The following HS6ST3 variants were observed in gnomAD, a reference collection of about 807,000 sequenced individuals.
HS6ST3 encodes the protein heparan sulfate 6-O-sulfotransferase 3, also known as heparan-sulfate 6-O-sulfotransferase 3.
In HS6ST3, 12 loss-of-function variants were observed where a neutral mutation model predicts 36.7. The observed-to-expected ratio is 0.33, with a 90% CI of 0.21 to 0.53. The LOEUF (loss-of-function observed/expected upper bound fraction) is 0.53, where lower values mean the gene tolerates loss of function less well. HS6ST3 is among the 20% of genes least tolerant of loss of function. HS6ST3 has a pLI of 0.95. For synonymous variants in HS6ST3, 240 were observed against 257.5 expected, an observed-to-expected ratio of 0.93 and a Z score of 0.65; for missense variants, 584 against 640.9, an observed-to-expected ratio of 0.91 and a Z score of 0.96.
intron 1 of HS6ST3, among the ~76,000 whole-genome samples, chr13:96,194,937 A>G (rs2054305137): frequency 6.6e-6 from 1 of 152,100 alleles, no homozygotes; most frequent in African/African-American, 2.4e-5. Flanking sequence ...CCATTTCCAA[A>G]CTTTAATTAA....
intron 1 of HS6ST3, among the ~76,000 whole-genome samples, chr13:96,340,593 T>A (rs941765541): frequency 3.2e-4 from 48 of 152,166 alleles, no homozygotes; most frequent in Non-Finnish European, 1.2e-4. Flanking sequence ...CCACACTAGG[T>A]GCCAAGACAC....
At chr13:96,551,289 T>C (rs942764563) in intron 1 of HS6ST3, among the ~76,000 whole-genome samples, 1 of 152,218 alleles carries the variant, frequency 6.6e-6, no homozygotes, top group African/African-American at 2.4e-5. Context: ...CACCTTACAT[T>C]ACAGTGCTTG....
chr13:96,498,788 G>A (rs1296539130), intron 1 of HS6ST3, among the ~76,000 whole-genome samples: 2 of 152,126 alleles, frequency 1.3e-5, no homozygotes, highest in African/African-American at 4.8e-5. Context: ...TGTTCAGCCA[G>A]TGTCCCCGTT....
chr13:96,205,869 C>T (rs935306972), intron 1 of HS6ST3, among the ~76,000 whole-genome samples: 1 of 152,096 alleles, frequency 6.6e-6, no homozygotes, highest in Non-Finnish European at 1.5e-5. Flanking sequence ...ACTGAATGGG[C>T]AAAAGCTGGA....
intron 1 of HS6ST3, among the ~76,000 whole-genome samples, chr13:96,559,122 CTATT>C (rs1195835242): frequency 4.7e-5 from 5 of 106,388 alleles, no homozygotes; most frequent in South Asian, 3.1e-4. Context: ...ATCTATCTAT[CTATT>C]TATTTATTGA....
intron 1 of HS6ST3, among the ~76,000 whole-genome samples, chr13:96,191,687 A>T (rs892596509): frequency 6.6e-6 from 1 of 151,998 alleles, no homozygotes; most frequent in African/African-American, 2.4e-5. Context: ...TTACTCTCCT[A>T]TCTGAAAGGC....
chr13:96,778,507 G>A (rs1210425992), intron 1 of HS6ST3, among the ~76,000 whole-genome samples: 1 of 152,104 alleles, frequency 6.6e-6, no homozygotes, highest in African/African-American at 2.4e-5. Flanking sequence ...AAAAGTGGAT[G>A]AAGGATATGA....
chr13:96,729,088 C>T (rs997952715), intron 1 of HS6ST3, among the ~76,000 whole-genome samples: 2 of 152,052 alleles, frequency 1.3e-5, no homozygotes, highest in Non-Finnish European at 2.9e-5. Flanking sequence ...ACTTAGATAA[C>T]AAATATAGTA....
At chr13:96,195,623 T>C (rs1009826315) in intron 1 of HS6ST3, among the ~76,000 whole-genome samples, 3 of 152,042 alleles carry the variant, frequency 2.0e-5, no homozygotes, top group Admixed American at 2.0e-4. Context: ...TCTTTTAGGG[T>C]TATAAGGATG....
Position 96,681,669 on chromosome 13 carries a change from G to A in HS6ST3, c.708-150821G>A, listed in dbSNP as rs2056718741. On this transcript the variant is annotated intron_variant, in intron 1 of 1. Coordinates refer to ENST00000376705, the MANE Select transcript of HS6ST3 (RefSeq NM_153456.4). ...CTCATTTGGAAAATGAATAAAACTG[G>A]GCTGCTTTGCTTAAGCTCTGGAGTG... 2.0e-5 allele frequency among the ~76,000 whole-genome samples: 3 copies of A among 151,980 alleles called. No homozygotes were observed. In the South Asian group the frequency reaches 6.2e-4, roughly 32 times the overall value.
At chr13:96,308,350 A>T (rs2054924018) in intron 1 of HS6ST3, among the ~76,000 whole-genome samples, 1 of 152,150 alleles carries the variant, frequency 6.6e-6, no homozygotes, top group Admixed American at 6.5e-5. Context: ...TTATAATTAG[A>T]CAGAGAATAT....
rs569908384 is a variant in HS6ST3 at position 96,440,934 on chromosome 13, T to G, written c.707+349365T>G. ...CAATGGACTGAATGTTTCTGTCTCT[T>G]CCAATTCTTATGTTGAAACCCTAAC... On this transcript the variant is annotated intron_variant, in intron 1 of 1. Coordinates refer to ENST00000376705, the MANE Select transcript of HS6ST3 (RefSeq NM_153456.4). Among the ~76,000 whole-genome samples, 13 of 152,326 alleles carry G rather than the reference T, an allele frequency of 8.5e-5. No homozygotes were observed. In the South Asian group the frequency reaches 2.7e-3, roughly 32 times the overall value.
At chr13:96,538,323 G>C (rs1435699957) in intron 1 of HS6ST3, among the ~76,000 whole-genome samples, 2 of 152,156 alleles carry the variant, frequency 1.3e-5, no homozygotes, top group African/African-American at 4.8e-5. Flanking sequence ...CCTTTCTCTT[G>C]CCTTATATAT....
intron 1 of HS6ST3, among the ~76,000 whole-genome samples, chr13:96,520,754 G>A (rs889625444): frequency 1.8e-4 from 28 of 152,162 alleles, no homozygotes; most frequent in Admixed American, 6.5e-5. Flanking sequence ...GGGCTGAGAC[G>A]ATGGGGTTTT....
chr13:96,341,352 T>G (rs527516941), intron 1 of HS6ST3, among the ~76,000 whole-genome samples: 1 of 152,338 alleles, frequency 6.6e-6, no homozygotes, highest in Admixed American at 6.5e-5. Flanking sequence ...TGAGCAACCT[T>G]GAACCACATC....
chr13:96,121,531 A>G (rs1410119391), intron 1 of HS6ST3, among the ~76,000 whole-genome samples: 3 of 152,254 alleles, frequency 2.0e-5, no homozygotes, highest in Non-Finnish European at 4.4e-5. Context: ...TGGAGAAAAC[A>G]AATGAAGCAG....
intron 1 of HS6ST3, among the ~76,000 whole-genome samples, chr13:96,388,750 C>T (rs1446358488): frequency 1.3e-5 from 2 of 152,020 alleles, no homozygotes; most frequent in African/African-American, 2.4e-5. Flanking sequence ...ATGCTGTTGT[C>T]GTGATAATGA....
intron 1 of HS6ST3, among the ~76,000 whole-genome samples, chr13:96,318,641 A>G (rs2054988362): frequency 1.3e-5 from 2 of 150,542 alleles, no homozygotes; most frequent in South Asian, 4.2e-4. Context: ...CATTTATTGA[A>G]TAGGGATCCT....
At chr13:96,369,786 G>T (rs1180336027) in intron 1 of HS6ST3, among the ~76,000 whole-genome samples, 11 of 152,180 alleles carry the variant, frequency 7.2e-5, no homozygotes, top group Non-Finnish European at 1.5e-4. Flanking sequence ...AGGGAAAAAT[G>T]ATGAGGCTTT....
Sources: gnomAD v4.1 joint callset for allele counts (sites outside exome capture counted in the v4.1 genomes callset) on GRCh38, gnomAD v4.1.1 for gene constraint, MANE v1.5 for transcripts, NCBI Gene and HGNC (gene_info 2026-07-23, HGNC 2026-07-21) for gene names.